DLC1: variants seen among roughly 807,000 people sequenced by gnomAD.
DLC1 encodes the protein rho GTPase-activating protein 7.
In DLC1, 54 loss-of-function variants were observed where a neutral mutation model predicts 140.3. The observed-to-expected ratio is 0.38, with a 90% confidence interval of 0.31 to 0.48. DLC1 has a LOEUF of 0.48. Ranked by LOEUF, DLC1 falls within the 20% of genes least tolerant of loss-of-function variation. DLC1 has a pLI of 0.96. For synonymous variants in DLC1, 986 were observed against 728.1 expected, an observed-to-expected ratio of 1.35 and a Z score of -5.70; for missense variants, 2,536 against 1,907.0, an observed-to-expected ratio of 1.33 and a Z score of -6.14.
At chr8:13,217,422 A>T (rs1031611901) in intron 5 of DLC1, among the ~76,000 whole-genome samples, 1 of 152,166 alleles carries the variant, frequency 6.6e-6, no homozygotes, top group African/African-American at 2.4e-5. Flanking sequence ...TCTCACTAGA[A>T]TGATCTGCAT....
intron 5 of DLC1, among the ~76,000 whole-genome samples, chr8:13,283,976 G>A (rs993207784): frequency 2.0e-5 from 3 of 152,152 alleles, no homozygotes; most frequent in African/African-American, 7.2e-5. Context: ...GCATGCGAAA[G>A]AACTCTCGAA....
intron 2 of DLC1, among the ~76,000 whole-genome samples, chr8:13,432,695 T>G (rs563205398): frequency 6.6e-6 from 1 of 152,266 alleles, no homozygotes; most frequent in East Asian, 1.9e-4. Flanking sequence ...GACTCAAATG[T>G]TATTCAGTTT....
intron 4 of DLC1, among the ~76,000 whole-genome samples, chr8:13,376,482 T>A (rs1835994258): frequency 6.6e-6 from 1 of 152,140 alleles, no homozygotes; most frequent in Non-Finnish European, 1.5e-5. Context: ...CTCTTCTCCC[T>A]GCCTGCAACC....
chr8:13,146,041 G>A (rs1823410334), intron 5 of DLC1, among the ~76,000 whole-genome samples: 1 of 152,110 alleles, frequency 6.6e-6, no homozygotes, highest in African/African-American at 2.4e-5. Context: ...CACTTTGGGA[G>A]GCTGAGGCGG....
At chr8:13,571,890 T>C (rs1248763960) in intron 1 of DLC1, among the ~76,000 whole-genome samples, 1 of 152,192 alleles carries the variant, frequency 6.6e-6, no homozygotes, top group East Asian at 1.9e-4. Flanking sequence ...CTTCAAAAGT[T>C]ATAGCCATTT....
At chr8:13,188,844 T>TATATATGTATATATATATATATATATA (rs1491498157) in intron 5 of DLC1, among the ~76,000 whole-genome samples, 1 of 25,840 alleles carries the variant, frequency 3.9e-5, no homozygotes, top group Non-Finnish European at 8.2e-5. Context: ...TATATATATA[T>TATATATGTATATATATATATATATATA]TTTTTTTTTT....
intron 1 of DLC1, among the ~76,000 whole-genome samples, chr8:13,587,602 C>A (rs925860961): frequency 7.0e-6 from 1 of 142,096 alleles, no homozygotes; most frequent in African/African-American, 2.6e-5. Context: ...ATATACATTG[C>A]ATATATATAT....
chr8:13,417,990 C>G (rs988609368), intron 2 of DLC1, among the ~76,000 whole-genome samples: 6 of 152,064 alleles, frequency 3.9e-5, no homozygotes, highest in African/African-American at 1.4e-4. Context: ...TTTCATGTGT[C>G]TTTTGGCTGC....
At chr8:13,368,271 G>A (rs1415816144) in intron 4 of DLC1, among the ~76,000 whole-genome samples, 1 of 151,990 alleles carries the variant, frequency 6.6e-6, no homozygotes, top group Non-Finnish European at 1.5e-5. Flanking sequence ...TCCTAGGACA[G>A]TATATTTTCC....
chr8:13,276,526 C>A lies in DLC1; in HGVS notation c.1348+28743G>T, dbSNP rs1831176229. The A allele has an allele frequency of 2.3e-5, 30 of 1,293,582 alleles. No individual in the cohort carries two copies. The South Asian group carries it at 7.5e-4, about 32-fold the overall frequency. 80.1% of individuals were successfully genotyped at this position (1,293,582 alleles called of 1,614,324 possible). On this transcript the variant is annotated intron_variant, in intron 5 of 17. Coordinates refer to ENST00000276297, the MANE Select transcript of DLC1 (RefSeq NM_182643.3). ...GAGGCCGGCATTGCGGCTGGCACTGCGGCCCCGGGAAGCGCCAACTGCAGG... is the reference window on the plus strand; with the variant it reads ...GAGGCCGGCATTGCGGCTGGCACTGAGGCCCCGGGAAGCGCCAACTGCAGG...
intron 1 of DLC1, chr8:13,567,345 A>T: frequency 1.3e-6 from 2 of 1,551,744 alleles, no homozygotes; most frequent in South Asian, 1.2e-5. Flanking sequence ...CAGATGAAGA[A>T]TTGAATGCCC....
At chr8:13,267,402 G>C (rs929291289) in intron 5 of DLC1, among the ~76,000 whole-genome samples, 2 of 151,276 alleles carry the variant, frequency 1.3e-5, no homozygotes, top group African/African-American at 4.9e-5. Flanking sequence ...AATCAACCAT[G>C]AATGAAAAAC....
intron 1 of DLC1, among the ~76,000 whole-genome samples, chr8:13,507,366 C>A (rs2117235907): frequency 6.6e-6 from 1 of 152,238 alleles, no homozygotes; most frequent in Non-Finnish European, 1.5e-5. Flanking sequence ...CGTAAGAGCA[C>A]ATTTCTAAAA....
At chr8:13,232,773 C>T (rs1020500405) in intron 5 of DLC1, among the ~76,000 whole-genome samples, 1 of 152,186 alleles carries the variant, frequency 6.6e-6, no homozygotes, top group Non-Finnish European at 1.5e-5. Context: ...ATTTTAGACT[C>T]AAATACAAAT....
In DLC1 at chr8:13,094,970, C is replaced by T; in HGVS notation, c.3328-13G>A. The T allele has an allele frequency of 6.2e-7, 1 of 1,614,082 alleles. No individual in the cohort carries two copies. ...TGAAGAGCCCAACCTGTCGGAAGAG[C>T]AACACTAAGTGTGGGGTACATTCAC... On this transcript the variant is annotated splice_polypyrimidine_tract_variant and intron_variant, in intron 11 of 17. Coordinates refer to ENST00000276297, the MANE Select transcript of DLC1 (RefSeq NM_182643.3).
chr8:13,518,002 A>G (rs1045527671), upstream of DLC1, among the ~76,000 whole-genome samples: 1 of 152,220 alleles, frequency 6.6e-6, no homozygotes, highest in African/African-American at 2.4e-5. Context: ...AGTTAAATGT[A>G]TACATGTGAA....
At chr8:13,240,521 G>A (rs1016883413) in intron 5 of DLC1, among the ~76,000 whole-genome samples, 3 of 152,024 alleles carry the variant, frequency 2.0e-5, no homozygotes, top group Non-Finnish European at 2.9e-5. Flanking sequence ...CATCTCCCTG[G>A]CTCAAGGGAT....
chr8:13,443,945 C>T (rs759287686), intron 2 of DLC1, among the ~76,000 whole-genome samples: 1 of 152,150 alleles, frequency 6.6e-6, no homozygotes, highest in Non-Finnish European at 1.5e-5. Flanking sequence ...AGTTAGCCAG[C>T]AATATCCTGA....
intron 5 of DLC1, chr8:13,133,256 C>G: frequency 7.4e-7 from 1 of 1,354,572 alleles, no homozygotes; most frequent in Non-Finnish European, 9.5e-7. Context: ...TGGCTGGGAG[C>G]GAAGCGCCCT....
Sources: allele counts gnomAD v4.1 joint callset (sites outside exome capture counted in the v4.1 genomes callset), GRCh38; gene constraint gnomAD v4.1.1; transcripts MANE v1.5; gene names NCBI Gene and HGNC (gene_info 2026-07-23, HGNC 2026-07-21).